Variants in CDK8 observed in about 807,000 individuals in gnomAD.
CDK8 encodes the protein cyclin dependent kinase 8.
Under a neutral mutation model 71.5 loss-of-function variants are expected in CDK8, and 29 were observed. The observed-to-expected ratio is 0.41, with a 90% CI of 0.30 to 0.55. CDK8 has a LOEUF of 0.55. CDK8 is among the 20% of genes least tolerant of loss of function. CDK8 has a pLI of 0.37. For missense variants in CDK8, 288 were observed against 572.6 expected, an observed-to-expected ratio of 0.50 and a Z score of 5.07; for synonymous variants, 161 against 192.1, an observed-to-expected ratio of 0.84 and a Z score of 1.34.
intron 6 of CDK8, among the ~76,000 whole-genome samples, chr13:26,392,149 G>C (rs1593309436): frequency 2.6e-5 from 4 of 152,172 alleles, no homozygotes; most frequent in African/African-American, 9.6e-5. Flanking sequence ...AATATTTTCA[G>C]CTTTAAATTC....
chr13:26,316,446 C>G (rs1283518653), intron 1 of CDK8, among the ~76,000 whole-genome samples: 1 of 152,154 alleles, frequency 6.6e-6, no homozygotes, highest in Non-Finnish European at 1.5e-5. Flanking sequence ...AACCCCTTTC[C>G]CTCCATCTAG....
intron 4 of CDK8, among the ~76,000 whole-genome samples, chr13:26,374,037 AC>A (rs67586197): frequency 0.073 from 9,149 of 126,156 alleles, 1,826 homozygotes; most frequent in African/African-American, 0.28. Flanking sequence ...AAAAAAAAAA[AC>A]AAAAAACAAA....
rs377345991 is a variant in CDK8 at position 26,254,818 on chromosome 13, A to T, written c.128+49A>T. On this transcript the variant is annotated intron_variant, in intron 1 of 12. Coordinates refer to ENST00000381527, the MANE Select transcript of CDK8 (RefSeq NM_001260.3). This position sits in a 1 kb window ranked among gnomAD's most constrained non-coding sequence, Gnocchi z 6.7. ...TGTCCGCGCTGGGCGGCGCTCCCGC[A>T]GGCCGAGGCAGGTAGCCCGGAGGGA... 4 of 1,592,598 alleles carry T rather than the reference A, an allele frequency of 2.5e-6. No individual in the cohort carries two copies. The African/African-American group carries it at 5.4e-5, about 22-fold the overall frequency.
intron 1 of CDK8, among the ~76,000 whole-genome samples, chr13:26,290,395 T>C (rs1486375192): frequency 3.3e-5 from 5 of 152,126 alleles, no homozygotes; most frequent in Admixed American, 3.3e-4. Context: ...AGAGTGGGGA[T>C]TGGAAAACAG....
Sources: gnomAD v4.1 joint callset for allele counts (sites outside exome capture counted in the v4.1 genomes callset) on GRCh38, gnomAD v4.1.1 for gene constraint, Gnocchi (gnomAD v3.1) non-coding constraint, MANE v1.5 for transcripts, NCBI Gene and HGNC (gene_info 2026-07-23, HGNC 2026-07-21) for gene names.